Variants in NRXN1 observed in about 807,000 individuals in gnomAD.
The protein encoded by NRXN1 is neurexin-1.
A neutral mutation model predicts 150.9 loss-of-function variants in NRXN1; 39 were observed. The observed-to-expected ratio is 0.26, with a 90% CI of 0.20 to 0.34. The LOEUF (loss-of-function observed/expected upper bound fraction) is 0.34, where lower values mean the gene tolerates loss of function less well. NRXN1 is among the 10% of genes least tolerant of loss of function. The probability of loss-of-function intolerance (pLI) is 1.00; values close to 1 mark genes in which losing one functional copy is unlikely to be tolerated. For missense variants in NRXN1, 1,815 were observed against 1,949.9 expected (o/e 0.93, Z 1.30); for synonymous variants, 924 against 757.0 (o/e 1.22, Z -3.62).
At chr2:50,400,284 A>G (rs1227544672) in intron 17 of NRXN1, among the ~76,000 whole-genome samples, 2 of 152,150 alleles carry the variant, frequency 1.3e-5, no homozygotes, top group African/African-American at 4.8e-5. Flanking sequence ...CATTACTGAA[A>G]TGGAAAACAT....
intron 18 of NRXN1, among the ~76,000 whole-genome samples, chr2:50,131,245 T>A (rs1415035778): frequency 6.6e-6 from 1 of 152,206 alleles, no homozygotes; most frequent in African/African-American, 2.4e-5. Flanking sequence ...ACTTAATTAA[T>A]CATTAACACC....
intron 2 of NRXN1, among the ~76,000 whole-genome samples, chr2:50,946,776 A>G (rs765452608): frequency 1.3e-5 from 2 of 152,196 alleles, no homozygotes; most frequent in African/African-American, 2.4e-5. Flanking sequence ...TTTAAACTTT[A>G]AAAAATCACA....
At chr2:50,587,526 T>C (rs796354964) in intron 8 of NRXN1, among the ~76,000 whole-genome samples, 4 of 152,122 alleles carry the variant, frequency 2.6e-5, no homozygotes, top group Non-Finnish European at 5.9e-5. Flanking sequence ...AAAGTTGCCT[T>C]GTAACTGAAA....
At chr2:50,268,256 T>C (rs1485832289) in intron 17 of NRXN1, among the ~76,000 whole-genome samples, 1 of 151,992 alleles carries the variant, frequency 6.6e-6, no homozygotes. Context: ...GAAAGAAGAG[T>C]TGGGCTTGAA....
In NRXN1 at chr2:50,829,999, G is replaced by GGAAAAAAAAAAAA. The variant is rs1425873902; in HGVS notation, c.832+91869_832+91870insTTTTTTTTTTTTC. Among the ~76,000 whole-genome samples, 17 of 58,178 alleles carry GGAAAAAAAAAAAA rather than the reference G, an allele frequency of 2.9e-4. 1 individual carries two copies. In the East Asian group the frequency reaches 9.2e-3, roughly 31 times the overall value. 38.2% of individuals were successfully genotyped at this position (58,178 alleles called of 152,430 possible). A position where few individuals can be genotyped will look rare whatever the true frequency, so the allele number is the denominator to read the frequency against. ...GGAACCCAAAGAATACTGCCTGCTG[G>GGAAAAAAAAAAAA]AAAAAAAAAAAAAAAAAAAAAAAAA... On this transcript the variant is annotated intron_variant, in intron 5 of 22. Transcript: ENST00000401669.
chr2:50,443,284 T>C (rs1035688189), intron 17 of NRXN1, among the ~76,000 whole-genome samples: 3 of 152,146 alleles, frequency 2.0e-5, no homozygotes, highest in African/African-American at 4.8e-5. Context: ...TAAGCACAGT[T>C]CCAAAATACA....
At chr2:50,862,974 A>G (rs1390930079) in intron 5 of NRXN1, among the ~76,000 whole-genome samples, 2 of 152,094 alleles carry the variant, frequency 1.3e-5, no homozygotes, top group Non-Finnish European at 1.5e-5. Flanking sequence ...CCAGAGTTTC[A>G]TATCAATGTG....
intron 2 of NRXN1, among the ~76,000 whole-genome samples, chr2:50,982,662 C>T (rs1384209981): frequency 6.6e-6 from 1 of 151,998 alleles, no homozygotes; most frequent in Non-Finnish European, 1.5e-5. Flanking sequence ...TAAGTTTTTC[C>T]TTTTATACTT....
chr2:49,977,792 G>A (rs1004388033), intron 21 of NRXN1, among the ~76,000 whole-genome samples: 7 of 152,200 alleles, frequency 4.6e-5, no homozygotes, highest in African/African-American at 1.7e-4. Context: ...AAGAATTAAA[G>A]TGAGAAATTA....
chr2:50,034,928 G>T (rs532875691), intron 21 of NRXN1, among the ~76,000 whole-genome samples: 9 of 152,198 alleles, frequency 5.9e-5, no homozygotes, highest in African/African-American at 2.2e-4. Context: ...ATATTAGAAT[G>T]TAATTCAAAA....
intron 15 of NRXN1, among the ~76,000 whole-genome samples, chr2:50,478,155 G>A (rs996806882): frequency 3.3e-5 from 5 of 152,082 alleles, no homozygotes; most frequent in Admixed American, 2.6e-4. Context: ...TCTAAAACAG[G>A]TGTTCCCTGT....
At chr2:50,220,026 T>C (rs1389542082) in intron 18 of NRXN1, among the ~76,000 whole-genome samples, 1 of 119,158 alleles carries the variant, frequency 8.4e-6, no homozygotes, top group Admixed American at 9.6e-5. Flanking sequence ...TATATATATA[T>C]AAAGAAAATA....
chr2:50,485,818 G>A (rs1484596341), intron 15 of NRXN1, among the ~76,000 whole-genome samples: 1 of 152,202 alleles, frequency 6.6e-6, no homozygotes, highest in East Asian at 1.9e-4. Flanking sequence ...GAATTCGAGG[G>A]ATCTGCCAGA....
intron 2 of NRXN1, among the ~76,000 whole-genome samples, chr2:50,966,178 C>T (rs1366591973): frequency 6.6e-6 from 1 of 151,520 alleles, no homozygotes. Flanking sequence ...TTTCCAAATT[C>T]ATTTATCTCT....
intron 5 of NRXN1, among the ~76,000 whole-genome samples, chr2:50,702,334 T>G (rs1374606860): frequency 7.3e-6 from 1 of 136,428 alleles, no homozygotes; most frequent in Non-Finnish European, 1.6e-5. Context: ...AAAAGACCAT[T>G]TGTTTTTAAA....
intron 5 of NRXN1, among the ~76,000 whole-genome samples, chr2:50,638,274 T>A (rs1683528972): frequency 6.6e-6 from 1 of 152,132 alleles, no homozygotes; most frequent in African/African-American, 2.4e-5. Flanking sequence ...TATTATTATT[T>A]TTTTAGTTTC....
At chr2:50,235,281 T>A (rs1452358305) in intron 18 of NRXN1, among the ~76,000 whole-genome samples, 1 of 152,134 alleles carries the variant, frequency 6.6e-6, no homozygotes, top group Non-Finnish European at 1.5e-5. Context: ...AACTGATCAT[T>A]TATTTATGAT....
chr2:50,725,029 C>A (rs537627068), intron 5 of NRXN1, among the ~76,000 whole-genome samples: 1 of 152,050 alleles, frequency 6.6e-6, no homozygotes, highest in Admixed American at 6.6e-5. Context: ...AGCTTGCTTC[C>A]TGATTATCAG....
intron 2 of NRXN1, among the ~76,000 whole-genome samples, chr2:50,954,849 G>C (rs1474363838): frequency 6.6e-6 from 1 of 152,164 alleles, no homozygotes; most frequent in Admixed American, 6.5e-5. Context: ...GGCAACATGA[G>C]AGACTTGATG....
Sources: gnomAD v4.1 joint callset for allele counts (sites outside exome capture counted in the v4.1 genomes callset) on GRCh38, gnomAD v4.1.1 for gene constraint, MANE v1.5 for transcripts, NCBI Gene and HGNC (gene_info 2026-07-23, HGNC 2026-07-21) for gene names.